The following ANO3 variants were observed in gnomAD, a reference collection of about 807,000 sequenced individuals.
ANO3 encodes anoctamin-3.
In ANO3, 99 loss-of-function variants were observed where a neutral mutation model predicts 144.8. That is an observed-to-expected ratio of 0.68 (90% CI 0.58 to 0.81). The LOEUF is 0.81. Among genes scored for constraint, ANO3 ranks in the 30% least tolerant of loss-of-function variants. ANO3 has a pLI of 0.00. For synonymous variants in ANO3, 414 were observed against 392.6 expected (o/e 1.05, Z -0.64); for missense variants, 905 against 1,202.2 (o/e 0.75, Z 3.66).
At chr11:26,295,353 C>CTAAAAA (rs1322627755) in intron 1 of ANO3, among the ~76,000 whole-genome samples, 1 of 151,384 alleles carries the variant, frequency 6.6e-6, no homozygotes, top group Non-Finnish European at 1.5e-5. Context: ...CCCGTCTCTA[C>CTAAAAA]TAAAAATAAA....
At chr11:26,643,107 A>C in intron 22 of ANO3, 75 bp from the exon 23 acceptor site, 3 of 1,392,040 alleles carry the variant, frequency 2.2e-6, no homozygotes, top group Non-Finnish European at 3.0e-6. Context: ...AAGCATTAAA[A>C]GCAATTTATA....
Position 26,420,828 on chromosome 11 carries a change from C to T in ANO3, c.47-21090C>T, listed in dbSNP as rs1377837701. ...TTTATTTCAGATGCTCTGAATTAAC[C>T]ATCTGTATTCTACCAGGACTCTCTT... is the stretch of plus-strand genomic sequence containing the variant. On this transcript the variant is annotated intron_variant, in intron 1 of 26. Transcript: ENST00000256737. Among the ~76,000 whole-genome samples, 6 of 152,128 alleles carry T rather than the reference C, an allele frequency of 3.9e-5. No individual in the cohort carries two copies. In the East Asian group the frequency reaches 1.2e-3, roughly 29 times the overall value.
chr11:26,464,295 G>A (rs1859521061), intron 4 of ANO3, among the ~76,000 whole-genome samples: 2 of 151,684 alleles, frequency 1.3e-5, no homozygotes, highest in African/African-American at 2.4e-5. Context: ...ATCTTTCTAT[G>A]GTTACTAAAT....
intron 1 of ANO3, among the ~76,000 whole-genome samples, chr11:26,400,144 G>A (rs547304037): frequency 7.9e-5 from 12 of 151,870 alleles, no homozygotes; most frequent in South Asian, 2.1e-4. Context: ...TTTTGCCTTC[G>A]TGCTGTTGAT....
chr11:26,555,337 A>T (rs542083793), intron 13 of ANO3, among the ~76,000 whole-genome samples: 1 of 152,314 alleles, frequency 6.6e-6, no homozygotes, highest in African/African-American at 2.4e-5. Flanking sequence ...TGCCAAAAAA[A>T]TCCAGATACT....
intron 10 of ANO3, among the ~76,000 whole-genome samples, chr11:26,538,683 T>C (rs998444684): frequency 1.3e-5 from 2 of 152,174 alleles, no homozygotes; most frequent in Non-Finnish European, 2.9e-5. Context: ...GTTTTTTACG[T>C]GAAATTTGGG....
chr11:26,534,624 G>GTT (rs543732699), intron 9 of ANO3, 62 bp downstream of exon 9: 24 of 1,183,618 alleles, frequency 2.0e-5, no homozygotes, highest in Non-Finnish European at 2.7e-5. Flanking sequence ...CAGAATTATT[G>GTT]TTTTTTTTAA....
At chr11:26,328,633 G>A (rs113778128), upstream of ANO3, among the ~76,000 whole-genome samples, 18 of 152,250 alleles carry the variant, frequency 1.2e-4, no homozygotes, top group African/African-American at 4.3e-4. Flanking sequence ...ATGTTAGCAG[G>A]GGGGCTGCAA....
At chr11:26,513,759 T>C (rs953528912) in intron 5 of ANO3, among the ~76,000 whole-genome samples, 3 of 152,154 alleles carry the variant, frequency 2.0e-5, no homozygotes, top group Admixed American at 6.6e-5. Context: ...AGAATACAAA[T>C]GATCAGTGTG....
chr11:26,599,357 AAAC>A (rs1209871642), intron 16 of ANO3, among the ~76,000 whole-genome samples, 190 bp from the exon 17 acceptor site: 2 of 152,254 alleles, frequency 1.3e-5, no homozygotes, highest in Admixed American at 1.3e-4. Flanking sequence ...TATCATACTA[AAAC>A]AACAAATTTT....
chr11:26,561,229 A>C, intron 14 of ANO3: 2 of 1,597,424 alleles, frequency 1.3e-6, no homozygotes, highest in Non-Finnish European at 1.7e-6. Context: ...CGCAGAACTA[A>C]AAAAGTAACA....
At chr11:26,641,055 C>T in intron 21 of ANO3, among the ~76,000 whole-genome samples, 1 of 152,054 alleles carries the variant, frequency 6.6e-6, no homozygotes, top group East Asian at 1.9e-4. Context: ...TTCACCTTGT[C>T]CTGGAGGTAA....
In ANO3 at chr11:26,254,595, C is replaced by T. The variant is rs553987590; in HGVS notation, c.155-55050C>T. On this transcript the variant is annotated intron_variant, in intron 1 of 27. Coordinates refer to the ANO3 transcript ENST00000672621. ...AAGAATTCTACTCAGAATTCCACTA[C>T]GCTTATGCATTTTGTTATGCTATTT... 4.6e-5 allele frequency among the ~76,000 whole-genome samples: 7 copies of T among 152,112 alleles called. No homozygotes were observed. In the East Asian group the frequency reaches 5.8e-4, roughly 13 times the overall value.
intron 1 of ANO3, among the ~76,000 whole-genome samples, chr11:26,437,835 T>G (rs1487516056): frequency 1.4e-5 from 1 of 73,036 alleles, no homozygotes; most frequent in Non-Finnish European, 2.7e-5. Context: ...ATGAGTATTA[T>G]CACAAAAATC....
Position 26,249,948 on chromosome 11 carries a change from C to T in ANO3, c.155-59697C>T, listed in dbSNP as rs562696027. Among the ~76,000 whole-genome samples the T allele has an allele frequency of 1.4e-4, 22 of 152,282 alleles. 1 individual carries two copies. In the South Asian group the frequency reaches 4.4e-3, roughly 30 times the overall value. ...CTTTACTCTCAATATGTCACCTCCA[C>T]TCTCATTGCAATAGAAGGAATAAAG... On this transcript the variant is annotated intron_variant, in intron 1 of 27. Transcript: ENST00000672621.
chr11:26,205,695 A>G (rs1329024891), intron 1 of ANO3, among the ~76,000 whole-genome samples: 1 of 152,184 alleles, frequency 6.6e-6, no homozygotes, highest in Non-Finnish European at 1.5e-5. Context: ...TTTTAAGCAT[A>G]AGACCCAATC....
At chr11:26,439,034 AATT>A (rs201697059) in intron 1 of ANO3, among the ~76,000 whole-genome samples, 96,314 of 151,700 alleles carry the variant, frequency 0.63, 33,230 homozygotes, top group Admixed American at 0.79. Context: ...TGAACCCATA[AATT>A]TGTGGATAAT....
At chr11:26,454,452 T>C (rs986295843) in intron 3 of ANO3, among the ~76,000 whole-genome samples, 4 of 152,170 alleles carry the variant, frequency 2.6e-5, no homozygotes, top group Admixed American at 2.6e-4. Flanking sequence ...CAAACACCTC[T>C]ACTCAAATAA....
chr11:26,412,968 C>G (rs1055613861), intron 1 of ANO3, among the ~76,000 whole-genome samples: 1 of 151,876 alleles, frequency 6.6e-6, no homozygotes, highest in Non-Finnish European at 1.5e-5. Context: ...AGGGAAATCT[C>G]CATGTGTTTC....
Sources: gnomAD v4.1 joint callset for allele counts (sites outside exome capture counted in the v4.1 genomes callset) on GRCh38, gnomAD v4.1.1 for gene constraint, MANE v1.5 for transcripts, NCBI Gene and HGNC (gene_info 2026-07-23, HGNC 2026-07-21) for gene names.